Variants in SYNDIG1 observed in about 807,000 individuals in gnomAD.
SYNDIG1 encodes synapse differentiation-inducing gene protein 1.
SYNDIG1 carries 9 observed loss-of-function variants against 19.4 expected under a neutral mutation model. That is an observed-to-expected ratio of 0.46 (90% confidence interval 0.28 to 0.81). The LOEUF is 0.81. Among genes scored for constraint, SYNDIG1 ranks in the 30% least tolerant of loss-of-function variants. The pLI is 0.12. For missense variants in SYNDIG1, 311 were observed against 343.3 expected (o/e 0.91, Z 0.74); for synonymous variants, 141 against 145.9 (o/e 0.97, Z 0.24).
intron 3 of SYNDIG1, among the ~76,000 whole-genome samples, chr20:24,631,289 G>A (rs2059238979): frequency 6.6e-6 from 1 of 152,214 alleles, no homozygotes; most frequent in Non-Finnish European, 1.5e-5. Context: ...CTGTAGAAGT[G>A]GAAGATGAAA....
intron 1 of SYNDIG1, among the ~76,000 whole-genome samples, chr20:24,534,650 G>C (rs2057326995): frequency 1.3e-5 from 2 of 152,196 alleles, no homozygotes; most frequent in Admixed American, 1.3e-4. Context: ...TTACACGTTG[G>C]CGCTCATTCA....
intron 3 of SYNDIG1, among the ~76,000 whole-genome samples, chr20:24,629,865 G>A (rs1413815145): frequency 6.6e-6 from 1 of 152,184 alleles, no homozygotes; most frequent in Non-Finnish European, 1.5e-5. Context: ...GATATTATCA[G>A]CTGCCGAGAT....
intron 3 of SYNDIG1, among the ~76,000 whole-genome samples, chr20:24,587,971 CA>C (rs1300864119): frequency 6.6e-6 from 1 of 152,208 alleles, no homozygotes; most frequent in Non-Finnish European, 1.5e-5. Context: ...TACAGAAAAA[CA>C]AAACAACATC....
intron 3 of SYNDIG1, among the ~76,000 whole-genome samples, chr20:24,590,829 G>A (rs1600699636): frequency 6.6e-6 from 1 of 152,272 alleles, no homozygotes; most frequent in African/African-American, 2.4e-5. Flanking sequence ...GCGCGGTGAT[G>A]AGGGGCCCGT....
chr20:24,603,627 A>G (rs2058711291), intron 3 of SYNDIG1, among the ~76,000 whole-genome samples: 1 of 152,234 alleles, frequency 6.6e-6, no homozygotes, highest in Non-Finnish European at 1.5e-5. Flanking sequence ...CCCTGAGTGC[A>G]AAGCAGGGTC....
At chr20:24,582,122 C>T (rs1274169361) in intron 2 of SYNDIG1, among the ~76,000 whole-genome samples, 1 of 137,574 alleles carries the variant, frequency 7.3e-6, no homozygotes, top group African/African-American at 2.7e-5. Context: ...GTACGTCCTC[C>T]CCCTTCACGT....
At chr20:24,488,356 T>C (rs1191184120) in intron 1 of SYNDIG1, among the ~76,000 whole-genome samples, 2 of 152,242 alleles carry the variant, frequency 1.3e-5, no homozygotes, top group African/African-American at 4.8e-5. Flanking sequence ...TGTGCACACA[T>C]ACAAAGTGCT....
intron 1 of SYNDIG1, among the ~76,000 whole-genome samples, chr20:24,534,198 A>T (rs1391544306): frequency 6.6e-6 from 1 of 152,192 alleles, no homozygotes. Flanking sequence ...TTTGGAACCC[A>T]CAAACATCTA....
Position 24,543,399 on chromosome 20 carries a change from C to T in SYNDIG1, c.302C>T (p.Ser101Phe). The T allele has an allele frequency of 6.2e-7, 1 of 1,613,666 alleles. No individual in the cohort carries two copies. Among genetic ancestry groups the T allele is most frequent in the Non-Finnish European group, 8.5e-7 (1 of 1,180,026 alleles). Residue 101 changes from serine (S) to phenylalanine (F), a missense_variant, in exon 2 of 4, where the codon TCC (serine) becomes TTC (phenylalanine). Ser to Phe is a radical substitution (Grantham distance 155). Coordinates refer to ENST00000376862, the MANE Select transcript of SYNDIG1 (RefSeq NM_024893.3). Reference protein sequence around the residue: ...IILYSEGVLRSWGDGVAADCC... With the variant: ...IILYSEGVLRFWGDGVAADCC... The stretch of plus-strand genomic sequence containing the variant: ...CTCTATTCAGAGGGCGTGCTGCGCT[C>T]CTGGGGGGACGGTGTGGCCGCCGAC...
chr20:24,657,318 T>C (rs1275176112), intron 3 of SYNDIG1, among the ~76,000 whole-genome samples: 1 of 152,100 alleles, frequency 6.6e-6, no homozygotes, highest in Non-Finnish European at 1.5e-5. Flanking sequence ...TGTCTGTAAA[T>C]TGAGATCCAC....
chr20:24,548,051 C>A (rs1000577327), intron 2 of SYNDIG1, among the ~76,000 whole-genome samples: 1 of 152,178 alleles, frequency 6.6e-6, no homozygotes, highest in Non-Finnish European at 1.5e-5. Flanking sequence ...ATCGATGGAG[C>A]ACCTTTTCTG....
intron 2 of SYNDIG1, among the ~76,000 whole-genome samples, chr20:24,551,242 A>G (rs2057701471): frequency 6.6e-6 from 1 of 152,162 alleles, no homozygotes; most frequent in South Asian, 2.1e-4. Flanking sequence ...TTCTTGTCCC[A>G]GTTTTAGTAT....
chr20:24,615,447 C>G (rs1236127795), intron 3 of SYNDIG1, among the ~76,000 whole-genome samples: 1 of 152,226 alleles, frequency 6.6e-6, no homozygotes, highest in East Asian at 1.9e-4. Context: ...CCTGACCCAG[C>G]AAGAGAGGCC....
chr20:24,537,810 C>T (rs527483691), intron 1 of SYNDIG1, among the ~76,000 whole-genome samples: 4 of 152,204 alleles, frequency 2.6e-5, no homozygotes, highest in East Asian at 3.9e-4. Flanking sequence ...GTGTTTCTGC[C>T]GTCACCTGTG....
intron 1 of SYNDIG1, among the ~76,000 whole-genome samples, chr20:24,493,864 C>G (rs1335430382): frequency 3.9e-5 from 6 of 152,128 alleles, no homozygotes; most frequent in East Asian, 1.9e-4. Flanking sequence ...CTGAGCCCCC[C>G]GGCTGGCCAA....
chr20:24,497,027 A>G (rs2056320717), intron 1 of SYNDIG1, among the ~76,000 whole-genome samples: 1 of 152,168 alleles, frequency 6.6e-6, no homozygotes, highest in Non-Finnish European at 1.5e-5. Context: ...TTAATTTACT[A>G]TTTCATTGCT....
At chr20:24,655,331 C>T (rs940601260) in intron 3 of SYNDIG1, among the ~76,000 whole-genome samples, 1 of 152,062 alleles carries the variant, frequency 6.6e-6, no homozygotes, top group African/African-American at 2.4e-5. Flanking sequence ...GCAGTGAACA[C>T]AAAGTACGTA....
At chr20:24,499,129 AT>A (rs2056378058) in intron 1 of SYNDIG1, among the ~76,000 whole-genome samples, 1 of 152,116 alleles carries the variant, frequency 6.6e-6, no homozygotes, top group African/African-American at 2.4e-5. Context: ...GGTTCAAGTG[AT>A]TCTCCTGCCT....
At chr20:24,569,042 C>G (rs1600649353) in intron 2 of SYNDIG1, among the ~76,000 whole-genome samples, 2 of 152,302 alleles carry the variant, frequency 1.3e-5, no homozygotes, top group East Asian at 3.9e-4. Context: ...TGTGAGGAGA[C>G]AGTGCAGGTG....
Sources: gnomAD v4.1 joint callset for allele counts (sites outside exome capture counted in the v4.1 genomes callset) on GRCh38, gnomAD v4.1.1 for gene constraint, MANE v1.5 for transcripts, NCBI Gene and HGNC (gene_info 2026-07-23, HGNC 2026-07-21) for gene names.